WDHD1: variants seen among roughly 807,000 people sequenced by gnomAD.
WDHD1 encodes WD repeat and HMG-box DNA-binding protein 1.
In WDHD1, 111 loss-of-function variants were observed where a neutral mutation model predicts 135.4. The observed-to-expected ratio is 0.82, with a 90% CI of 0.70 to 0.96. The LOEUF (loss-of-function observed/expected upper bound fraction) is 0.96, where lower values mean the gene tolerates loss of function less well. WDHD1 is among the 40% of genes least tolerant of loss of function. WDHD1 has a pLI of 0.00. For synonymous variants in WDHD1, 434 were observed against 439.0 expected (o/e 0.99, Z 0.14); for missense variants, 1,351 against 1,336.3 (o/e 1.01, Z -0.17).
intron 23 of WDHD1, among the ~76,000 whole-genome samples, chr14:54,956,498 C>T (rs535348866): frequency 2.0e-5 from 3 of 151,902 alleles, no homozygotes; most frequent in African/African-American, 4.8e-5. Context: ...ATTAGCTGGG[C>T]GTGATGTCAG....
intron 21 of WDHD1, among the ~76,000 whole-genome samples, chr14:54,958,044 C>A (rs2041189126): frequency 6.6e-6 from 1 of 151,980 alleles, no homozygotes; most frequent in Non-Finnish European, 1.5e-5. Flanking sequence ...TAAAGTCTCC[C>A]AACTTAAAAA....
intron 10 of WDHD1, among the ~76,000 whole-genome samples, chr14:54,999,562 T>G (rs2041946054): frequency 6.6e-6 from 1 of 152,220 alleles, no homozygotes; most frequent in African/African-American, 2.4e-5. Context: ...GAAGCTGAAG[T>G]GAGTTTCTCA....
chr14:54,972,754 A>C (rs2041462037), intron 16 of WDHD1, among the ~76,000 whole-genome samples: 1 of 152,102 alleles, frequency 6.6e-6, no homozygotes, highest in Non-Finnish European at 1.5e-5. Flanking sequence ...CCAGGAGACC[A>C]GCCTGGGCAA....
At chr14:54,962,066 A>T (rs987437124) in intron 21 of WDHD1, among the ~76,000 whole-genome samples, 2 of 152,052 alleles carry the variant, frequency 1.3e-5, no homozygotes, top group Non-Finnish European at 2.9e-5. Context: ...AGAACTCCTG[A>T]CCTCGTTATC....
In WDHD1 at chr14:55,027,057, T is replaced by G. The variant is rs1029702663; in HGVS notation, c.-46A>C. ...GTGACCGAGCCTCCGCCACTGAGGA[T>G]CCACAAGAGCTGCTTCCCGCGCTTC... On this transcript the variant is annotated 5_prime_UTR_variant, in exon 1 of 26. Transcript: ENST00000360586. 6.5e-6 allele frequency: 3 copies of G among 461,800 alleles called. No homozygotes were observed. Among genetic ancestry groups the G allele is most frequent in the African/African-American group, 5.9e-5 (3 of 51,082 alleles). 28.6% of individuals were successfully genotyped at this position (461,800 alleles called of 1,614,324 possible).
intron 21 of WDHD1, among the ~76,000 whole-genome samples, chr14:54,958,873 T>C (rs532781646): frequency 3.3e-5 from 5 of 152,364 alleles, no homozygotes; most frequent in African/African-American, 1.2e-4. Context: ...GCTATACTTA[T>C]GCCAATGATT....
At chr14:54,981,412 A>G (rs577453123) in intron 16 of WDHD1, 128 bp downstream of exon 16, 11 of 866,988 alleles carry the variant, frequency 1.3e-5, no homozygotes, top group Non-Finnish European at 1.9e-5. Context: ...CAAATTCCTA[A>G]TTTAGTGACT....
intron 21 of WDHD1, among the ~76,000 whole-genome samples, chr14:54,961,350 A>G (rs1595069448): frequency 1.3e-5 from 2 of 152,116 alleles, no homozygotes; most frequent in Middle Eastern, 6.8e-3. Context: ...TAAAAAAAAG[A>G]CCAAAATCCT....
intron 12 of WDHD1, 132 bp from the exon 13 acceptor site, chr14:54,989,344 A>T: frequency 1.7e-6 from 1 of 575,222 alleles, no homozygotes; most frequent in Non-Finnish European, 2.9e-6. Context: ...GAGTTACTAC[A>T]TCTCATCTAT....
At chr14:55,013,331 T>C (rs941356595) in intron 3 of WDHD1, among the ~76,000 whole-genome samples, 154 bp downstream of exon 3, 1 of 150,804 alleles carries the variant, frequency 6.6e-6, no homozygotes, top group African/African-American at 2.4e-5. Context: ...CAAAAAAAAA[T>C]GGTAGGGCAA....
At chr14:54,980,838 T>C (rs1482075251) in intron 16 of WDHD1, among the ~76,000 whole-genome samples, 1 of 133,044 alleles carries the variant, frequency 7.5e-6, no homozygotes, top group African/African-American at 2.9e-5. Context: ...CAGCTGGGCG[T>C]GGTGGCTCAT....
chr14:54,942,404 T>G (rs2040854610), intron 25 of WDHD1, among the ~76,000 whole-genome samples: 1 of 152,168 alleles, frequency 6.6e-6, no homozygotes, highest in Non-Finnish European at 1.5e-5. Context: ...TGCAAAACTA[T>G]AGCCCAACAA....
At chr14:54,966,719 CTTTCTA>C (rs2041352396) in intron 17 of WDHD1, 113 bp from the exon 18 acceptor site, 2 of 1,144,194 alleles carry the variant, frequency 1.7e-6, no homozygotes, top group South Asian at 1.6e-5. Flanking sequence ...TGAACTCTTC[CTTTCTA>C]TAAGTTTATT....
intron 23 of WDHD1, 38 bp downstream of exon 23, chr14:54,956,996 A>G (rs373068391): frequency 1.1e-5 from 17 of 1,594,918 alleles, no homozygotes; most frequent in Non-Finnish European, 1.5e-5. Context: ...AACAGATCCC[A>G]TGCTGCTTAC....
intron 11 of WDHD1, among the ~76,000 whole-genome samples, chr14:54,993,958 C>G (rs1327392800): frequency 6.6e-6 from 1 of 152,190 alleles, no homozygotes; most frequent in Non-Finnish European, 1.5e-5. Context: ...CATTTGAGGA[C>G]TGCTGTTCTA....
intron 10 of WDHD1, 126 bp downstream of exon 10, chr14:55,000,377 C>T: frequency 1.0e-6 from 1 of 977,236 alleles, no homozygotes; most frequent in Non-Finnish European, 1.4e-6. Context: ...TAGATTACTA[C>T]TCAGCATCTA....
rs144561456 is a variant in WDHD1, at chr14:54,943,459, A to G, written c.3189+873T>C. 7.2e-3 allele frequency among the ~76,000 whole-genome samples: 1,090 copies of G among 152,216 alleles called. 14 individuals are homozygous for G. Among genetic ancestry groups the G allele is most frequent in the African/African-American group, 0.025 (1,019 of 41,514 alleles). On this transcript the variant is annotated intron_variant, in intron 25 of 25. Coordinates refer to ENST00000360586, the MANE Select transcript of WDHD1 (RefSeq NM_007086.4). ...ACCCATGCTGGAGTACAGTGACACAATCACGGCTCACTGCAGCCTTGACCT... is the reference window on the plus strand; with the variant it reads ...ACCCATGCTGGAGTACAGTGACACAGTCACGGCTCACTGCAGCCTTGACCT...
Position 55,010,159 on chromosome 14 carries a change from C to A in WDHD1, c.341+150G>T, listed in dbSNP as rs1595119177. ...AATTCAAAAAGAAGCCCAAGTTTGTCCTCAAAAACCTTTACTAGATAAAAG... is the reference window on the plus strand; with the variant it reads ...AATTCAAAAAGAAGCCCAAGTTTGTACTCAAAAACCTTTACTAGATAAAAG... On this transcript the variant is annotated intron_variant, in intron 4 of 25. Coordinates refer to ENST00000360586, the MANE Select transcript of WDHD1 (RefSeq NM_007086.4). 3.7e-6 allele frequency: 3 copies of A among 820,140 alleles called. No individual in the cohort carries two copies. In the East Asian group the frequency reaches 9.5e-5, roughly 26 times the overall value. 50.8% of individuals were successfully genotyped at this position (820,140 alleles called of 1,614,324 possible).
intron 4 of WDHD1, 42 bp downstream of exon 4, chr14:55,010,267 T>C (rs764385745): frequency 4.1e-6 from 6 of 1,464,332 alleles, no homozygotes; most frequent in African/African-American, 2.9e-5. Flanking sequence ...CAAGGCCTTT[T>C]GTTCTAACAT....
Sources: allele counts gnomAD v4.1 joint callset (sites outside exome capture counted in the v4.1 genomes callset), GRCh38; gene constraint gnomAD v4.1.1; transcripts MANE v1.5; gene names NCBI Gene and HGNC (gene_info 2026-07-23, HGNC 2026-07-21).